The following DGKZ variants were observed in gnomAD, a reference collection of about 807,000 sequenced individuals.
DGKZ encodes DAG kinase zeta.
A neutral mutation model predicts 142.5 loss-of-function variants in DGKZ; 45 were observed. The ratio of observed to expected loss-of-function variants is 0.32; its 90% CI spans 0.25 to 0.40. The LOEUF is 0.40. DGKZ is among the 10% of genes least tolerant of loss of function. DGKZ has a pLI of 1.00. For synonymous variants in DGKZ, 442 were observed against 527.0 expected (o/e 0.84, Z 2.21); for missense variants, 755 against 1,306.5 (o/e 0.58, Z 6.51).
rs772009324 is a variant in DGKZ, at chr11:46,364,362, A to G, written c.162-2929A>G. ...AGGGGCTTAGCACAGTGCCTGACACATAGGGGCTCAGTAAATGTCAGCCGT... is the reference window on the plus strand; with the variant it reads ...AGGGGCTTAGCACAGTGCCTGACACGTAGGGGCTCAGTAAATGTCAGCCGT... On this transcript the variant is annotated intron_variant, in intron 1 of 30. Transcript: ENST00000527911. 1.9e-5 allele frequency: 25 copies of G among 1,288,940 alleles called. No homozygotes were observed. The South Asian group carries it at 2.7e-4, about 14-fold the overall frequency. The allele number at this position is 1,288,940 out of a possible 1,614,324, so 79.8% of individuals were successfully genotyped here. A position where few individuals can be genotyped will look rare whatever the true frequency, so the allele number is the denominator to read the frequency against.
chr11:46,376,738 G>A (rs1332001930), intron 24 of DGKZ, 174 bp downstream of exon 24: 4 of 891,948 alleles, frequency 4.5e-6, no homozygotes, highest in Non-Finnish European at 6.9e-6. Flanking sequence ...CCTCCACACT[G>A]GAGAGTATAG....
At chr11:46,353,967 C>G (rs965262673) in intron 1 of DGKZ, among the ~76,000 whole-genome samples, 2 of 152,240 alleles carry the variant, frequency 1.3e-5, no homozygotes, top group South Asian at 4.1e-4. Flanking sequence ...TGACATTTTA[C>G]AGAGAGAGGC....
At chr11:46,371,872 G>A (rs546658205) in intron 9 of DGKZ, 97 bp downstream of exon 9, 60 of 1,445,752 alleles carry the variant, frequency 4.2e-5, no homozygotes, top group East Asian at 2.0e-4. Context: ...GCTGCCAGCT[G>A]GTGGGGGTCT....
At chr11:46,336,098 C>T (rs1289887937) in intron 1 of DGKZ, among the ~76,000 whole-genome samples, 1 of 152,126 alleles carries the variant, frequency 6.6e-6, no homozygotes, top group African/African-American at 2.4e-5. Context: ...AATCTGAGGG[C>T]GAGGAGTGGA....
intron 4 of DGKZ, 53 bp from the exon 5 acceptor site, chr11:46,369,441 C>G (rs1943700747): frequency 2.5e-6 from 4 of 1,608,824 alleles, no homozygotes; most frequent in Non-Finnish European, 2.6e-6. Context: ...GACCACATAC[C>G]TGACCCCGAA....
intron 4 of DGKZ, chr11:46,368,660 C>T (rs1943596574): frequency 5.0e-6 from 1 of 199,380 alleles, no homozygotes; most frequent in Admixed American, 5.3e-5. Context: ...CAGGCTCACA[C>T]AGGCTGCTTT....
At position 46,366,956 on chromosome 11, in the gene DGKZ, G is replaced by A. The variant is rs749020691; in HGVS notation, c.162-335G>A. ...GGTAGCCCTACGGCGCAAGGCGGCCGGACCCCAGGCCTGGAGCGCCCTGCT... is the reference window on the plus strand; with the variant it reads ...GGTAGCCCTACGGCGCAAGGCGGCCAGACCCCAGGCCTGGAGCGCCCTGCT... On this transcript the variant is annotated intron_variant, in intron 1 of 30. Transcript: ENST00000527911. 12 of 1,536,654 alleles carry A rather than the reference G, an allele frequency of 7.8e-6. No individual in the cohort carries two copies. In the East Asian group the frequency reaches 9.7e-5, roughly 12 times the overall value.
Position 46,358,187 on chromosome 11 carries a change from C to T in DGKZ, c.162-9104C>T, listed in dbSNP as rs142077794. ...GGGTAAAACTGCTAGCCCCTCAACG[C>T]GAATCTAGGCAGGGGCCCCAACATC... On this transcript the variant is annotated intron_variant, in intron 1 of 30. Coordinates refer to ENST00000527911, the Ensembl canonical transcript of DGKZ. Among the ~76,000 whole-genome samples, 43 of 152,206 alleles carry T rather than the reference C, an allele frequency of 2.8e-4. No individual in the cohort carries two copies. The East Asian group carries it at 7.9e-3, about 28-fold the overall frequency.
intron 1 of DGKZ, among the ~76,000 whole-genome samples, chr11:46,359,721 A>G (rs1235507437): frequency 6.6e-6 from 1 of 151,240 alleles, no homozygotes; most frequent in Non-Finnish European, 1.5e-5. Flanking sequence ...CTCCTGCCTC[A>G]GCCTCCCGAG....
At chr11:46,348,077 A>G (rs770070092) in intron 1 of DGKZ, among the ~76,000 whole-genome samples, 1 of 152,096 alleles carries the variant, frequency 6.6e-6, no homozygotes, top group Non-Finnish European at 1.5e-5. Flanking sequence ...CCGGCAGTCT[A>G]GTGCGCCTCA....
chr11:46,379,625 T>C, intron 30 of DGKZ, 57 bp downstream of exon 30: 3 of 1,476,994 alleles, frequency 2.0e-6, no homozygotes, highest in Non-Finnish European at 2.7e-6. Context: ...TTTCCCAAGG[T>C]CCTAGGCGGG....
Position 46,372,635 on chromosome 11 carries a change from A to G in DGKZ, c.1029A>G (p.Lys343=), listed in dbSNP as rs1338834683. The stretch of plus-strand genomic sequence containing the variant: ...AGCCCAGGCTGGAGATGTACCGCAA[A>G]GTGCACAACCTGCGGATCCTGGCGT... Residue 343 remains lysine (K), a synonymous_variant, in exon 12 of 31, where the codon AAA becomes AAG. Coordinates refer to ENST00000527911, the Ensembl canonical transcript of DGKZ. The surrounding 1 kb of genome is among the most constrained non-coding windows in gnomAD (Gnocchi z 5.9). 1 of 1,613,688 alleles carries G rather than the reference A, an allele frequency of 6.2e-7. No homozygotes were observed. The highest frequency in any genetic ancestry group is 8.5e-7 in the Non-Finnish European group (1 of 1,180,000).
chr11:46,372,321 C>A lies in DGKZ; in HGVS notation c.928-107C>A. 7.2e-7 allele frequency: 1 copy of A among 1,385,784 alleles called. No homozygotes were observed. Among genetic ancestry groups the A allele is most frequent in the Non-Finnish European group, 1.0e-6 (1 of 989,636 alleles). The allele number at this position is 1,385,784 out of a possible 1,614,324, so 85.8% of individuals were successfully genotyped here. A position where few individuals can be genotyped will look rare whatever the true frequency, so the allele number is the denominator to read the frequency against. ...AGAAAATCCTGTCCTTTCTCCACCC[C>A]TCACCCCTTATTGGCCCTGGTTCCC... On this transcript the variant is annotated intron_variant, in intron 10 of 30. Coordinates refer to ENST00000527911, the Ensembl canonical transcript of DGKZ. The surrounding 1 kb of genome is among the most constrained non-coding windows in gnomAD (Gnocchi z 5.9).
chr11:46,370,483 G>A (rs1943821751), intron 6 of DGKZ, among the ~76,000 whole-genome samples: 1 of 152,216 alleles, frequency 6.6e-6, no homozygotes, highest in Admixed American at 6.5e-5. Flanking sequence ...AAGATGGAGA[G>A]GCTTGCTTCA....
At chr11:46,358,397 A>C (rs745999996) in intron 1 of DGKZ, among the ~76,000 whole-genome samples, 4 of 152,218 alleles carry the variant, frequency 2.6e-5, no homozygotes, top group Non-Finnish European at 4.4e-5. Context: ...TGCAGTTGTA[A>C]GCTGTACTAG....
intron 1 of DGKZ, chr11:46,366,540 A>C: frequency 6.3e-7 from 1 of 1,599,550 alleles, no homozygotes; most frequent in Non-Finnish European, 8.5e-7. Context: ...CTCACTCCAC[A>C]GCCTACCACC....
At chr11:46,378,829 G>A (rs1021803001) in intron 27 of DGKZ, 162 bp from the exon 28 acceptor site, 31 of 1,215,648 alleles carry the variant, frequency 2.6e-5, no homozygotes, top group South Asian at 1.3e-4. Flanking sequence ...CCCCTCCTCC[G>A]GTGTGCTCCA....
rs1204246777 is a variant in DGKZ at position 46,373,121 on chromosome 11, TG to T, written c.1326+26del. 5.9e-6 allele frequency: 9 copies of T among 1,536,992 alleles called. No homozygotes were observed. The African/African-American group carries it at 9.7e-5, about 17-fold the overall frequency. On this transcript the variant is annotated intron_variant, in intron 14 of 30. Coordinates refer to ENST00000527911, the Ensembl canonical transcript of DGKZ. ...GACCGGGTAAGTTGGCCAGGGTTGGTGGGGGGCAGGGCAGGTGACTGGGGAC... is the reference window on the plus strand; with the variant it reads ...GACCGGGTAAGTTGGCCAGGGTTGGTGGGGGCAGGGCAGGTGACTGGGGAC...
upstream of DGKZ, among the ~76,000 whole-genome samples, chr11:46,347,215 G>A (rs775677818): frequency 3.9e-5 from 6 of 152,174 alleles, no homozygotes; most frequent in Non-Finnish European, 7.4e-5. This position sits in a 1 kb window ranked among gnomAD's most constrained non-coding sequence, Gnocchi z 6.4. Flanking sequence ...GATGCGCGCA[G>A]TGCGAGTGTG....
Sources: allele counts gnomAD v4.1 joint callset (sites outside exome capture counted in the v4.1 genomes callset), GRCh38; gene constraint gnomAD v4.1.1; non-coding constraint Gnocchi (gnomAD v3.1); transcripts MANE v1.5; gene names NCBI Gene and HGNC (gene_info 2026-07-23, HGNC 2026-07-21).